DPP6: variants seen among roughly 807,000 people sequenced by gnomAD.
DPP6 encodes the protein dipeptidyl peptidase like 6.
DPP6 carries 69 observed loss-of-function variants against 122.6 expected under a neutral mutation model. The ratio of observed to expected loss-of-function variants is 0.56; its 90% CI spans 0.46 to 0.69. DPP6 has a LOEUF of 0.69. Ranked by LOEUF, DPP6 falls within the 30% of genes least tolerant of loss-of-function variation. The pLI, the probability that DPP6 is intolerant of heterozygous loss-of-function variation, is 0.00. For missense variants in DPP6, 928 were observed against 1,116.9 expected (o/e 0.83, Z 2.41); for synonymous variants, 418 against 433.1 (o/e 0.97, Z 0.43).
At chr7:154,780,878 G>A (rs1448932839) in intron 10 of DPP6, among the ~76,000 whole-genome samples, 1 of 152,146 alleles carries the variant, frequency 6.6e-6, no homozygotes, top group Non-Finnish European at 1.5e-5. Context: ...TGGGTGGAGG[G>A]ATGGATTATG....
chr7:154,227,042 G>GA (rs111243285), intron 1 of DPP6, among the ~76,000 whole-genome samples: 7,215 of 152,150 alleles, frequency 0.047, 555 homozygotes, highest in African/African-American at 0.16. Context: ...ATCAAAAATA[G>GA]ATTACAATAT....
intron 17 of DPP6, among the ~76,000 whole-genome samples, chr7:154,854,364 CAGCAAG>C (rs1217409543): frequency 6.6e-6 from 1 of 152,320 alleles, no homozygotes; most frequent in East Asian, 1.9e-4. Flanking sequence ...ACTTTGAATA[CAGCAAG>C]ATCCCGTGGG....
intron 1 of DPP6, among the ~76,000 whole-genome samples, chr7:154,430,078 G>C (rs537465060): frequency 1.3e-5 from 2 of 152,068 alleles, no homozygotes; most frequent in Non-Finnish European, 2.9e-5. Flanking sequence ...TCTTCTAGGG[G>C]CCGCTGTCAG....
intron 1 of DPP6, among the ~76,000 whole-genome samples, chr7:153,997,593 G>GCA (rs3980023): frequency 0.012 from 1,761 of 146,012 alleles, 35 homozygotes; most frequent in African/African-American, 0.037. Flanking sequence ...TGAGTGCACA[G>GCA]CACACACACA....
intron 1 of DPP6, among the ~76,000 whole-genome samples, chr7:154,177,031 G>A (rs1456953694): frequency 2.0e-5 from 3 of 151,798 alleles, no homozygotes; most frequent in Non-Finnish European, 2.9e-5. Context: ...ATGGAGTCTC[G>A]TCATGTTGCC....
the DPP6 span, among the ~76,000 whole-genome samples, chr7:153,845,388 A>G: frequency 6.6e-6 from 1 of 151,988 alleles, no homozygotes; most frequent in South Asian, 2.1e-4. Context: ...TGACATTAAT[A>G]TACTGCTATA....
At chr7:154,468,796 T>C (rs1822008745) in intron 2 of DPP6, among the ~76,000 whole-genome samples, 1 of 152,214 alleles carries the variant, frequency 6.6e-6, no homozygotes, top group Non-Finnish European at 1.5e-5. Flanking sequence ...GTGACTAATT[T>C]TGATGTTATG....
At chr7:154,477,261 C>A (rs990367746) in intron 3 of DPP6, among the ~76,000 whole-genome samples, 7 of 146,352 alleles carry the variant, frequency 4.8e-5, no homozygotes, top group African/African-American at 1.6e-4. Context: ...CTCCCACCAC[C>A]ACCACCAGCA....
chr7:153,877,476 A>G, the DPP6 span, among the ~76,000 whole-genome samples: 1 of 152,198 alleles, frequency 6.6e-6, no homozygotes, highest in Non-Finnish European at 1.5e-5. Context: ...TCACACCAGC[A>G]TCACCAAAAA....
intron 6 of DPP6, 83 bp downstream of exon 6, chr7:154,637,956 T>G: frequency 1.4e-6 from 2 of 1,444,976 alleles, no homozygotes; most frequent in South Asian, 2.7e-5. Flanking sequence ...GTTTAACCCT[T>G]AGGGCGGGAA....
chr7:154,310,077 T>C (rs1202576727), intron 1 of DPP6, among the ~76,000 whole-genome samples: 2 of 152,144 alleles, frequency 1.3e-5, no homozygotes, highest in African/African-American at 4.8e-5. Context: ...TAGGCTGATG[T>C]GTGAAGGATT....
chr7:153,798,698 T>G, the DPP6 span, among the ~76,000 whole-genome samples: 12 of 152,112 alleles, frequency 7.9e-5, no homozygotes, highest in East Asian at 3.8e-4. Flanking sequence ...CTGTGCACTT[T>G]ATCTCTATTA....
intron 1 of DPP6, among the ~76,000 whole-genome samples, chr7:154,297,063 G>GTTTTTTTTTTTTTTTTTTTTTT (rs34506058): frequency 8.0e-6 from 1 of 125,262 alleles, no homozygotes. Flanking sequence ...AATGTATTCT[G>GTTTTTTTTTTTTTTTTTTTTTT]TTTTTTTTTT....
chr7:154,891,646 C>T (rs979916393), intron 25 of DPP6, among the ~76,000 whole-genome samples: 6 of 152,090 alleles, frequency 3.9e-5, no homozygotes, highest in East Asian at 1.9e-4. Context: ...AGTGTAATGG[C>T]GCGATCTCGG....
intron 16 of DPP6, among the ~76,000 whole-genome samples, chr7:154,829,265 C>G (rs1313369509): frequency 1.3e-5 from 2 of 151,738 alleles, no homozygotes; most frequent in African/African-American, 4.8e-5. Flanking sequence ...CACCCATAGT[C>G]CCAGCTGCTT....
chr7:154,669,237 C>G lies in DPP6; in HGVS notation c.681-123C>G, dbSNP rs867691890. 123 of 1,449,006 alleles carry G rather than the reference C, an allele frequency of 8.5e-5. 1 individual carries two copies. The Middle Eastern group carries it at 1.6e-3, about 18-fold the overall frequency. 89.8% of individuals were successfully genotyped at this position (1,449,006 alleles called of 1,614,324 possible). ...TACTTAGTAACACAAGAGACAAGCT[C>G]TTGAAATGGATACCATGGAAGGAGA... On this transcript the variant is annotated intron_variant, in intron 6 of 25. Coordinates refer to ENST00000377770, the MANE Select transcript of DPP6 (RefSeq NM_130797.4).
chr7:154,077,697 A>T (rs1301388884), intron 1 of DPP6, among the ~76,000 whole-genome samples: 2 of 149,930 alleles, frequency 1.3e-5, no homozygotes, highest in African/African-American at 4.9e-5. Context: ...TTTGAGACAG[A>T]GTCTCACTCT....
intron 1 of DPP6, among the ~76,000 whole-genome samples, chr7:154,315,446 AT>A (rs955852341): frequency 6.6e-6 from 1 of 151,858 alleles, no homozygotes. Context: ...AATCCCTACA[AT>A]TTTTTGAGTT....
At chr7:154,718,428 G>C (rs1027636560) in intron 7 of DPP6, among the ~76,000 whole-genome samples, 6 of 151,900 alleles carry the variant, frequency 3.9e-5, no homozygotes, top group Non-Finnish European at 8.8e-5. Flanking sequence ...ATTTTTTTAA[G>C]AGGTGAGAAA....
Sources: gnomAD v4.1 joint callset for allele counts (sites outside exome capture counted in the v4.1 genomes callset) on GRCh38, gnomAD v4.1.1 for gene constraint, MANE v1.5 for transcripts, NCBI Gene and HGNC (gene_info 2026-07-23, HGNC 2026-07-21) for gene names.